Variants in VSTM5 observed in about 807,000 individuals in gnomAD.
VSTM5 encodes V-set and transmembrane domain-containing protein 5.
A neutral mutation model predicts 20.3 loss-of-function variants in VSTM5; 21 were observed. That is an observed-to-expected ratio of 1.03 (90% CI 0.73 to 1.49). VSTM5 has a LOEUF of 1.49. VSTM5 is among the 40% of genes most tolerant of loss of function. The pLI is 0.00. For missense variants in VSTM5, 219 were observed against 250.0 expected, an observed-to-expected ratio of 0.88 and a Z score of 0.84; for synonymous variants, 100 against 102.5, an observed-to-expected ratio of 0.98 and a Z score of 0.14.
In VSTM5 at chr11:93,846,305, C is replaced by T. The variant is rs138727438; in HGVS notation, c.91+4107G>A. On this transcript the variant is annotated intron_variant, in intron 1 of 3. Coordinates refer to ENST00000409977, the MANE Select transcript of VSTM5 (RefSeq NM_001144871.2). ...GAGGAGAGTCTCCTGGCCCTTGCCC[C>T]GCTCCTAGACCAGCAGGGAGCATAC... is the stretch of plus-strand genomic sequence containing the variant. Among the ~76,000 whole-genome samples the T allele has an allele frequency of 1.8e-3, 276 of 152,278 alleles. 1 individual carries two copies. Among genetic ancestry groups the T allele is most frequent in the African/African-American group, 6.1e-3 (255 of 41,548 alleles).
At chr11:93,843,693 TG>T (rs1025219765) in intron 1 of VSTM5, among the ~76,000 whole-genome samples, 3 of 152,234 alleles carry the variant, frequency 2.0e-5, no homozygotes, top group African/African-American at 7.2e-5. Context: ...GAGGAGATAC[TG>T]GCTTTTCATC....
chr11:93,821,963 T>C (rs1944190359), intron 1 of VSTM5: 1 of 152,400 alleles, frequency 6.6e-6, no homozygotes, highest in Admixed American at 6.5e-5. Context: ...GGAATGTTGA[T>C]GCTTGGGTGG....
intron 1 of VSTM5, among the ~76,000 whole-genome samples, chr11:93,837,937 G>A (rs1454455197): frequency 2.0e-5 from 3 of 151,998 alleles, no homozygotes; most frequent in Non-Finnish European, 4.4e-5. Context: ...TCAGAGCAAC[G>A]GGGGCCAAGA....
chr11:93,828,321 T>G (rs1944254601), intron 1 of VSTM5, among the ~76,000 whole-genome samples: 1 of 152,152 alleles, frequency 6.6e-6, no homozygotes, highest in Non-Finnish European at 1.5e-5. Flanking sequence ...GGTGAGACCC[T>G]CTGGTAACTA....
chr11:93,832,786 G>T (rs899060223), intron 1 of VSTM5, among the ~76,000 whole-genome samples: 1 of 152,188 alleles, frequency 6.6e-6, no homozygotes, highest in Admixed American at 6.5e-5. Context: ...GCTCAGAGAC[G>T]TAAGTGTCCA....
At chr11:93,842,254 CAGA>C (rs1177135646) in intron 1 of VSTM5, among the ~76,000 whole-genome samples, 2 of 152,188 alleles carry the variant, frequency 1.3e-5, no homozygotes, top group Non-Finnish European at 2.9e-5. Flanking sequence ...GGGATTAAAG[CAGA>C]AGATCTGAGA....
rs1188765642 is a variant in VSTM5, at chr11:93,820,694, C to G, written c.559+49G>C. 19 of 1,551,436 alleles carry G rather than the reference C, an allele frequency of 1.2e-5. No homozygotes were observed. The East Asian group carries it at 4.6e-4, about 38-fold the overall frequency. On this transcript the variant is annotated intron_variant, in intron 3 of 3. Transcript: ENST00000409977. ...GTGAGAACAAGATAACACATGCCACCTCTGGCCTCAAAACCACTCATGGAT... is the reference window on the plus strand; with the variant it reads ...GTGAGAACAAGATAACACATGCCACGTCTGGCCTCAAAACCACTCATGGAT...
At chr11:93,849,246 A>G (rs1191561909) in intron 1 of VSTM5, among the ~76,000 whole-genome samples, 2 of 152,164 alleles carry the variant, frequency 1.3e-5, no homozygotes, top group Non-Finnish European at 2.9e-5. Context: ...CCTGGGCTTA[A>G]GTGATCCTTT....
At chr11:93,833,862 C>T (rs906520960) in intron 1 of VSTM5, among the ~76,000 whole-genome samples, 60 of 152,072 alleles carry the variant, frequency 3.9e-4, no homozygotes, top group African/African-American at 1.4e-3. Flanking sequence ...GGCACATCCT[C>T]CCTCTAGTCA....
intron 1 of VSTM5, among the ~76,000 whole-genome samples, chr11:93,850,176 C>A (rs1046561268): frequency 6.6e-6 from 1 of 152,036 alleles, no homozygotes; most frequent in Non-Finnish European, 1.5e-5. Context: ...CGGGGCGCCG[C>A]GGCCGGTAGC....
chr11:93,835,170 A>G (rs1944313752), intron 1 of VSTM5, among the ~76,000 whole-genome samples: 1 of 152,124 alleles, frequency 6.6e-6, no homozygotes, highest in African/African-American at 2.4e-5. Flanking sequence ...CATGCTTGTA[A>G]TCCCAGCACT....
rs1191576317 is a variant in VSTM5 at position 93,820,990 on chromosome 11, G to A, written c.418+7C>T. 4 of 1,551,354 alleles carry A rather than the reference G, an allele frequency of 2.6e-6. No homozygotes were observed. The East Asian group carries it at 7.3e-5, about 28-fold the overall frequency. On this transcript the variant is annotated splice_region_variant and intron_variant, in intron 2 of 3. Coordinates refer to ENST00000409977, the MANE Select transcript of VSTM5 (RefSeq NM_001144871.2). The stretch of plus-strand genomic sequence containing the variant: ...AGAGGGGTGCCCGGGGCCCTGGGAT[G>A]TCTTACCAGAGACGTGCAGCACGAT...
chr11:93,846,781 T>TG lies in VSTM5; in HGVS notation c.91+3630_91+3631insC, dbSNP rs1555039415. Among the ~76,000 whole-genome samples the TG allele has an allele frequency of 8.2e-4, 119 of 144,648 alleles. 1 individual carries two copies. Among genetic ancestry groups the TG allele is most frequent in the African/African-American group, 3.0e-3 (112 of 36,812 alleles). The allele number at this position is 144,648 out of a possible 152,430, so 94.9% of individuals were successfully genotyped here. A position where few individuals can be genotyped will look rare whatever the true frequency, so the allele number is the denominator to read the frequency against. On this transcript the variant is annotated intron_variant, in intron 1 of 3. Transcript: ENST00000409977. ...ATTTTTTTTAATTTTTTTTTTTTTT[T>TG]TTTTGAGATGGAGTCTCACTCTGTC...
At chr11:93,831,124 A>G (rs1944280246) in intron 1 of VSTM5, among the ~76,000 whole-genome samples, 1 of 151,898 alleles carries the variant, frequency 6.6e-6, no homozygotes, top group Admixed American at 6.6e-5. Context: ...CAGTGGCGCA[A>G]TCATGGCTCA....
chr11:93,832,306 G>T (rs1053300924), intron 1 of VSTM5, among the ~76,000 whole-genome samples: 3 of 152,348 alleles, frequency 2.0e-5, no homozygotes, highest in South Asian at 2.1e-4. Context: ...GCAGAACAGT[G>T]TATAGAGAAT....
chr11:93,830,507 G>T (rs1944273542), intron 1 of VSTM5, among the ~76,000 whole-genome samples: 1 of 152,224 alleles, frequency 6.6e-6, no homozygotes, highest in African/African-American at 2.4e-5. Flanking sequence ...AACCCCCAGT[G>T]CCCAAGACAG....
chr11:93,838,432 A>G (rs192662182), intron 1 of VSTM5, among the ~76,000 whole-genome samples: 7 of 152,152 alleles, frequency 4.6e-5, no homozygotes, highest in Non-Finnish European at 1.0e-4. Context: ...AGAACAGGCC[A>G]CTGCACTCCA....
chr11:93,825,792 A>G (rs1944228861), intron 1 of VSTM5, among the ~76,000 whole-genome samples: 1 of 148,630 alleles, frequency 6.7e-6, no homozygotes, highest in Admixed American at 6.7e-5. Flanking sequence ...TTATTGAGAT[A>G]CAGTCTCACT....
intron 1 of VSTM5, among the ~76,000 whole-genome samples, chr11:93,826,587 G>A (rs1944240879): frequency 6.6e-6 from 1 of 151,886 alleles, no homozygotes; most frequent in African/African-American, 2.4e-5. Flanking sequence ...TTTTAGTAGA[G>A]ACGGGGTTTC....
Sources: allele counts gnomAD v4.1 joint callset (sites outside exome capture counted in the v4.1 genomes callset), GRCh38; gene constraint gnomAD v4.1.1; transcripts MANE v1.5; gene names NCBI Gene and HGNC (gene_info 2026-07-23, HGNC 2026-07-21).